The following TTLL6 variants were observed in gnomAD, a reference collection of about 807,000 sequenced individuals.
TTLL6 encodes the protein tubulin polyglutamylase TTLL6.
A neutral mutation model predicts 96.4 loss-of-function variants in TTLL6; 75 were observed. The observed-to-expected ratio is 0.78, with a 90% CI of 0.65 to 0.94. The LOEUF (loss-of-function observed/expected upper bound fraction) is 0.94. Among genes scored for constraint, TTLL6 ranks in the 40% least tolerant of loss-of-function variants. The pLI, the probability that TTLL6 is intolerant of heterozygous loss-of-function variation, is 0.00. For missense variants in TTLL6, 1,030 were observed against 1,093.0 expected, an observed-to-expected ratio of 0.94 and a Z score of 0.81; for synonymous variants, 411 against 419.4, an observed-to-expected ratio of 0.98 and a Z score of 0.24.
intron 2 of TTLL6, 130 bp from the exon 3 acceptor site, chr17:48,804,058 G>T: frequency 9.5e-7 from 1 of 1,048,368 alleles, no homozygotes; most frequent in South Asian, 1.4e-5. Flanking sequence ...AGCCTGGTTT[G>T]ACCGTCCCTG....
At chr17:48,783,953 A>G (rs1319517284) in intron 13 of TTLL6, among the ~76,000 whole-genome samples, 1 of 152,210 alleles carries the variant, frequency 6.6e-6, no homozygotes, top group Non-Finnish European at 1.5e-5. Context: ...TGCTGAGTTC[A>G]AAGGTGTACT....
chr17:48,772,346 A>C (rs2038764779), intron 13 of TTLL6, among the ~76,000 whole-genome samples: 2 of 152,094 alleles, frequency 1.3e-5, no homozygotes. Flanking sequence ...TAGATAAATA[A>C]AAATAAAGAA....
chr17:48,791,336 A>G (rs2039217416), intron 9 of TTLL6, 42 bp downstream of exon 9: 2 of 1,567,058 alleles, frequency 1.3e-6, no homozygotes, highest in East Asian at 2.2e-5. Flanking sequence ...GCTGGCCCCA[A>G]TAACAGGAGT....
At chr17:48,791,706 G>T (rs1001190139) in intron 8 of TTLL6, 103 bp from the exon 9 acceptor site, 9 of 993,972 alleles carry the variant, frequency 9.1e-6, no homozygotes, top group Non-Finnish European at 1.3e-5. Flanking sequence ...CAAGGCTCCA[G>T]AGCCAGCGAG....
rs962014161 is a variant in TTLL6, at chr17:48,805,110, A to G, written c.104-119T>C. The G allele has an allele frequency of 1.0e-5, 8 of 791,266 alleles. No individual in the cohort carries two copies. In the East Asian group the frequency reaches 1.9e-4, roughly 19 times the overall value. The allele number at this position is 791,266 out of a possible 1,614,324, so 49.0% of individuals were successfully genotyped here. A position where few individuals can be genotyped will look rare whatever the true frequency, so the allele number is the denominator to read the frequency against. On this transcript the variant is annotated intron_variant, in intron 1 of 15. Transcript: ENST00000393382. ...TTCAACGCAACAGGTTGCAGTTTAT[A>G]AAATGCCACCCGGCCTCCGCGGTTT...
At chr17:48,812,205 G>A (rs1272543842) in intron 1 of TTLL6, 2 of 152,028 alleles carry the variant, frequency 1.3e-5, no homozygotes, top group African/African-American at 4.8e-5. Flanking sequence ...TTTTGTTGGT[G>A]CCAACACCAA....
At chr17:48,806,936 A>G (rs574389844) in intron 1 of TTLL6, among the ~76,000 whole-genome samples, 1 of 152,000 alleles carries the variant, frequency 6.6e-6, no homozygotes, top group Admixed American at 6.6e-5. Flanking sequence ...AGGCTGAGGC[A>G]GGAGAACCAC....
chr17:48,768,267 T>A (rs986322555), intron 15 of TTLL6, among the ~76,000 whole-genome samples: 13 of 150,436 alleles, frequency 8.6e-5, no homozygotes, highest in East Asian at 4.0e-4. Context: ...GCTAATTTTT[T>A]AATTATTATT....
chr17:48,791,364 C>T lies in TTLL6; in HGVS notation c.1224+14G>A. ...ACAGGAGTTCGTTTTCGCCCCTCGCCCAAACTTCCCTACCTCCAGCAGCCA... is the reference window on the plus strand; with the variant it reads ...ACAGGAGTTCGTTTTCGCCCCTCGCTCAAACTTCCCTACCTCCAGCAGCCA... On this transcript the variant is annotated intron_variant, in intron 9 of 15. Coordinates refer to ENST00000393382, the MANE Select transcript of TTLL6 (RefSeq NM_001130918.3). 6.2e-7 allele frequency: 1 copy of T among 1,612,364 alleles called. No homozygotes were observed. Among genetic ancestry groups the T allele is most frequent in the Non-Finnish European group, 8.5e-7 (1 of 1,178,806 alleles).
At chr17:48,770,386 G>A (rs911259911) in intron 13 of TTLL6, among the ~76,000 whole-genome samples, 6 of 151,884 alleles carry the variant, frequency 4.0e-5, no homozygotes, top group Admixed American at 3.9e-4. Flanking sequence ...ACCATGAATT[G>A]GTTAAACAGT....
chr17:48,803,503 AAAAACAGC>A (rs1482930264), intron 3 of TTLL6, among the ~76,000 whole-genome samples: 1 of 152,088 alleles, frequency 6.6e-6, no homozygotes, highest in Non-Finnish European at 1.5e-5. Context: ...AACAAAAAAA[AAAAACAGC>A]AACAGCAACA....
At chr17:48,768,955 A>C in intron 15 of TTLL6, 34 bp downstream of exon 15, 1 of 1,600,430 alleles carries the variant, frequency 6.2e-7, no homozygotes, top group Non-Finnish European at 8.5e-7. Flanking sequence ...CTGCCAACGC[A>C]CCAAATTCAT....
At chr17:48,785,333 A>C in intron 12 of TTLL6, 132 bp from the exon 13 acceptor site, 1 of 1,333,112 alleles carries the variant, frequency 7.5e-7, no homozygotes, top group Non-Finnish European at 1.0e-6. Flanking sequence ...AGTCTCTCTA[A>C]TGTGGGGCTC....
At chr17:48,800,419 G>A (rs928808113) in intron 5 of TTLL6, 1 of 152,220 alleles carries the variant, frequency 6.6e-6, no homozygotes, top group South Asian at 2.1e-4. Flanking sequence ...TAACTCAAAG[G>A]AAACTTGTAA....
At chr17:48,791,108 G>A (rs1402529390) in intron 9 of TTLL6, among the ~76,000 whole-genome samples, 1 of 152,168 alleles carries the variant, frequency 6.6e-6, no homozygotes, top group Non-Finnish European at 1.5e-5. Flanking sequence ...AAAAGATCGA[G>A]CTGTCTTTAG....
rs1184467066 is a variant in TTLL6 at position 48,769,098 on chromosome 17, G to A, written c.2567C>T (p.Pro856Leu). The change falls in exon 15 of 16, where the codon CCA becomes CTA. Residue 856 changes from proline (P) to leucine (L), a missense_variant. Coordinates refer to ENST00000393382, the MANE Select transcript of TTLL6 (RefSeq NM_001130918.3). ...LVIATPAQLD[P>L]RPCRSHASAM... Reference sequence around the variant, plus strand: ...ACTTGCGTGGCTTCTACAAGGCCTTGGATCCAGTTGGGCTGGAGTGGCAAT... The same window carrying A: ...ACTTGCGTGGCTTCTACAAGGCCTTAGATCCAGTTGGGCTGGAGTGGCAAT... The A allele has an allele frequency of 5.6e-6, 9 of 1,614,208 alleles. No homozygotes were observed. The highest frequency in any genetic ancestry group is 2.2e-5 in the East Asian group (1 of 44,878).
At position 48,770,023 on chromosome 17, in the gene TTLL6, C is replaced by G; in HGVS notation, c.2115G>C (p.Leu705=). 2 of 1,614,100 alleles carry G rather than the reference C, an allele frequency of 1.2e-6. No individual in the cohort carries two copies. The highest frequency in any genetic ancestry group is 1.7e-6 in the Non-Finnish European group (2 of 1,180,024). Residue 705 remains leucine (L), a synonymous_variant, in exon 14 of 16, where the codon CTG becomes CTC. Coordinates refer to ENST00000393382, the MANE Select transcript of TTLL6 (RefSeq NM_001130918.3). ...TGTACTCAGAGCTGGCGGTCACAGC[C>G]AGGGTTGGCGGAGACTTTGGGGAGA... is the stretch of plus-strand genomic sequence containing the variant. ...LSISPKSPPT[L]AVTASSEYSG...
rs951748876 is a variant in TTLL6 at position 48,769,929 on chromosome 17, G to C, written c.2209C>G (p.Gln737Glu). 6.2e-7 allele frequency: 1 copy of C among 1,614,012 alleles called. No homozygotes were observed. Among genetic ancestry groups the C allele is most frequent in the Non-Finnish European group, 8.5e-7 (1 of 1,180,026 alleles). ...KKQQTPPHLT[Q>E]KKMLKSFLPT... ...AGAAAAGATTTTAACATTTTCTTCTGGGTTAAGTGTGGAGGGGTCTGCTGC... is the reference window on the plus strand; with the variant it reads ...AGAAAAGATTTTAACATTTTCTTCTCGGTTAAGTGTGGAGGGGTCTGCTGC... Residue 737 changes from glutamine (Q) to glutamate (E), a missense_variant, in exon 14 of 16, where the codon CAG (glutamine) becomes GAG (glutamate). Gln to Glu is a conservative substitution (Grantham distance 29). Coordinates refer to ENST00000393382, the MANE Select transcript of TTLL6 (RefSeq NM_001130918.3).
At chr17:48,804,674 C>T (rs1206525076) in intron 2 of TTLL6, 98 bp downstream of exon 2, 7 of 1,029,452 alleles carry the variant, frequency 6.8e-6, no homozygotes, top group Non-Finnish European at 1.0e-5. Context: ...CACACAGTTT[C>T]TCCTTTACTC....
Sources: allele counts gnomAD v4.1 joint callset (sites outside exome capture counted in the v4.1 genomes callset), GRCh38; gene constraint gnomAD v4.1.1; transcripts MANE v1.5; gene names NCBI Gene and HGNC (gene_info 2026-07-23, HGNC 2026-07-21).